The following IRGM variants were observed in gnomAD, a reference collection of about 807,000 sequenced individuals.
IRGM encodes immunity-related GTPase family M protein.
For missense variants in IRGM, 288 were observed against 219.9 expected (o/e 1.31, Z -1.96); for synonymous variants, 98 against 80.6 (o/e 1.22, Z -1.16).
intron 3 of IRGM, chr5:150,898,107 A>T (rs1754860457): frequency 1.2e-6 from 2 of 1,613,658 alleles, no homozygotes; most frequent in East Asian, 4.5e-5. Context: ...ATCCAATTTG[A>T]TATGTCTCCC....
At chr5:150,893,312 C>T (rs1438693752) in intron 3 of IRGM, among the ~76,000 whole-genome samples, 1 of 152,154 alleles carries the variant, frequency 6.6e-6, no homozygotes, top group South Asian at 2.1e-4. Flanking sequence ...ACTCGTGTAA[C>T]ACCACATTGC....
At chr5:150,869,252 T>G (rs1275835507) in intron 1 of IRGM, among the ~76,000 whole-genome samples, 1 of 152,154 alleles carries the variant, frequency 6.6e-6, no homozygotes, top group Non-Finnish European at 1.5e-5. Context: ...TGAATTTGTT[T>G]TTAATTCTGT....
At chr5:150,858,534 G>A (rs897528370) in intron 1 of IRGM, among the ~76,000 whole-genome samples, 3 of 152,056 alleles carry the variant, frequency 2.0e-5, no homozygotes, top group Non-Finnish European at 4.4e-5. Context: ...CCATTTTCAC[G>A]ATATTGATTC....
intron 1 of IRGM, among the ~76,000 whole-genome samples, chr5:150,865,369 CAAAT>C (rs1754192733): frequency 3.0e-5 from 3 of 99,946 alleles, no homozygotes; most frequent in Admixed American, 2.7e-4. Flanking sequence ...CATATAAACT[CAAAT>C]ATATCAAAAT....
At chr5:150,876,050 G>A (rs764980097) in intron 1 of IRGM, among the ~76,000 whole-genome samples, 24 of 152,116 alleles carry the variant, frequency 1.6e-4, no homozygotes, top group Non-Finnish European at 2.9e-4. Flanking sequence ...CTCACTTTAC[G>A]GCTAAAGAAG....
rs1753901863 is a variant in IRGM at position 150,848,011 on chromosome 5, C to A, written c.-113C>A. The A allele has an allele frequency of 5.1e-6, 4 of 790,716 alleles. No homozygotes were observed. The highest frequency in any genetic ancestry group is 6.0e-6 in the Non-Finnish European group (3 of 500,878). 49.0% of individuals were successfully genotyped at this position (790,716 alleles called of 1,614,324 possible). A position where few individuals can be genotyped will look rare whatever the true frequency, so the allele number is the denominator to read the frequency against. On this transcript the variant is annotated 5_prime_UTR_variant, in exon 2 of 2. Coordinates refer to ENST00000522154, the MANE Select transcript of IRGM (RefSeq NM_001145805.2). ...GTAGAGAAGGTTTCACGATGTTGGC[C>A]AGGATGGTCTCAATCTCCTGACCTC...
In IRGM at chr5:150,847,224, A is replaced by G. The variant is rs1324429215; in HGVS notation, c.-416+4A>G. On this transcript the variant is annotated splice_donor_region_variant and intron_variant, in intron 1 of 1. Transcript: ENST00000522154. The stretch of plus-strand genomic sequence containing the variant: ...GTGTGCTCCCCCGCCTGATGAGGTA[A>G]GTGTTAAACAGGGATGATCACAGCT... 2 of 152,394 alleles carry G rather than the reference A, an allele frequency of 1.3e-5. No individual in the cohort carries two copies. Among genetic ancestry groups the G allele is most frequent in the African/African-American group, 4.8e-5 (2 of 41,448 alleles). The allele number at this position is 152,394 out of a possible 1,614,324, so 9.4% of individuals were successfully genotyped here.
intron 3 of IRGM, among the ~76,000 whole-genome samples, chr5:150,880,875 C>T (rs1386941761): frequency 6.6e-6 from 1 of 152,072 alleles, no homozygotes; most frequent in Non-Finnish European, 1.5e-5. Flanking sequence ...GCCTGTAATC[C>T]CAGCACTTCG....
At chr5:150,857,072 C>A (rs1291307114) in intron 1 of IRGM, among the ~76,000 whole-genome samples, 1 of 151,674 alleles carries the variant, frequency 6.6e-6, no homozygotes, top group Non-Finnish European at 1.5e-5. Flanking sequence ...CTAATGCTAT[C>A]CCTCCCTCCT....
intron 3 of IRGM, among the ~76,000 whole-genome samples, chr5:150,889,690 C>A (rs1754578764): frequency 6.6e-6 from 1 of 152,014 alleles, no homozygotes; most frequent in Non-Finnish European, 1.5e-5. Context: ...CAGTCTTTCA[C>A]TATATGATAT....
In IRGM at chr5:150,848,180, C is replaced by T; in HGVS notation, c.57C>T (p.Ile19=). Residue 19 remains isoleucine (I), a synonymous_variant, in exon 2 of 2, where the codon ATC becomes ATT. Transcript: ENST00000522154. ...CAGATGGGAACTTGCCAGAGGTGAT[C>T]TCTAACATCAAGGAGACTCTGAAGA... ...ASADGNLPEV[I]SNIKETLKIV... 6.4e-7 allele frequency: 1 copy of T among 1,551,664 alleles called. No homozygotes were observed. The highest frequency in any genetic ancestry group is 8.7e-7 in the Non-Finnish European group (1 of 1,146,876).
chr5:150,873,285 T>G (rs992340236), intron 1 of IRGM, among the ~76,000 whole-genome samples: 9 of 152,180 alleles, frequency 5.9e-5, no homozygotes, highest in African/African-American at 2.2e-4. Context: ...CTAATTTGAA[T>G]TATATAAACA....
At chr5:150,889,711 G>C (rs933758823) in intron 3 of IRGM, among the ~76,000 whole-genome samples, 1 of 151,806 alleles carries the variant, frequency 6.6e-6, no homozygotes, top group Non-Finnish European at 1.5e-5. Context: ...TAACTGTAGG[G>C]TTTTCACTTC....
At chr5:150,852,573 G>A (rs533433965), downstream of IRGM, among the ~76,000 whole-genome samples, 49 of 152,128 alleles carry the variant, frequency 3.2e-4, 1 homozygote, top group African/African-American at 1.2e-3. Flanking sequence ...TTCTCATTAA[G>A]AGCAGTGATG....
rs1295386241 is a variant in IRGM at position 150,848,611 on chromosome 5, T to C, written c.488T>C (p.Leu163Pro). Reference sequence around the variant, plus strand: ...GGTGCCCTCCCAGAAGTGCAGCTACTGCAGATCAGAGAAAATGTCCTGGAA... The same window carrying C: ...GGTGCCCTCCCAGAAGTGCAGCTACCGCAGATCAGAGAAAATGTCCTGGAA... ...STGALPEVQL[L>P]QIRENVLENL... is the part of the protein sequence containing the mutation. Residue 163 changes from leucine (L) to proline (P), a missense_variant, in exon 2 of 2, where the codon CTG (leucine) becomes CCG (proline). Coordinates refer to ENST00000522154, the MANE Select transcript of IRGM (RefSeq NM_001145805.2). 1.9e-6 allele frequency: 3 copies of C among 1,549,850 alleles called. No individual in the cohort carries two copies. The highest frequency in any genetic ancestry group is 2.0e-5 in the Admixed American group (1 of 50,904).
chr5:150,860,159 A>G (rs1446511147), intron 1 of IRGM, among the ~76,000 whole-genome samples: 1 of 152,242 alleles, frequency 6.6e-6, no homozygotes, highest in Non-Finnish European at 1.5e-5. Flanking sequence ...GTAAATTTAT[A>G]CAATGGCAAT....
At chr5:150,892,209 GTTT>G (rs34123150) in intron 3 of IRGM, among the ~76,000 whole-genome samples, 1 of 146,976 alleles carries the variant, frequency 6.8e-6, no homozygotes, top group African/African-American at 2.5e-5. Flanking sequence ...TTTTTATGGA[GTTT>G]TTTTTTTTCA....
At chr5:150,861,244 G>A (rs932651429) in intron 1 of IRGM, among the ~76,000 whole-genome samples, 9 of 152,284 alleles carry the variant, frequency 5.9e-5, no homozygotes, top group Non-Finnish European at 1.3e-4. Flanking sequence ...GTCATTTAGA[G>A]CCCTTTTGTA....
chr5:150,895,397 T>C, intron 3 of IRGM: 2 of 1,522,676 alleles, frequency 1.3e-6, no homozygotes, highest in Non-Finnish European at 1.8e-6. Context: ...CTTGAGCTAA[T>C]ACTAAGGCTT....
Sources: gnomAD v4.1 joint callset for allele counts (sites outside exome capture counted in the v4.1 genomes callset) on GRCh38, gnomAD v4.1.1 for gene constraint, MANE v1.5 for transcripts, NCBI Gene and HGNC (gene_info 2026-07-23, HGNC 2026-07-21) for gene names.